SPRED1: variants seen among roughly 807,000 people sequenced by gnomAD.
The protein encoded by SPRED1 is sprouty related EVH1 domain containing 1.
Under a neutral mutation model 52.3 loss-of-function variants are expected in SPRED1, and 18 were observed. That is an observed-to-expected ratio of 0.34 (90% CI 0.24 to 0.51). The LOEUF (loss-of-function observed/expected upper bound fraction) is 0.51, where lower values mean the gene tolerates loss of function less well. Among genes scored for constraint, SPRED1 ranks in the 20% least tolerant of loss-of-function variants. SPRED1 has a pLI of 0.97. For synonymous variants in SPRED1, 155 were observed against 179.7 expected (o/e 0.86, Z 1.10); for missense variants, 485 against 551.0 (o/e 0.88, Z 1.20).
intron 4 of SPRED1, among the ~76,000 whole-genome samples, chr15:38,339,112 TTTAC>T (rs1474299019): frequency 2.0e-5 from 3 of 151,822 alleles, no homozygotes; most frequent in East Asian, 3.9e-4. Context: ...TGTGCTAAAT[TTTAC>T]TTACTTAATA....
At position 38,293,099 on chromosome 15, in the gene SPRED1, C is replaced by CTTT. The variant is rs66511254; in HGVS notation, c.33-6257_33-6255dup. On this transcript the variant is annotated intron_variant, in intron 1 of 6. Coordinates refer to ENST00000299084, the MANE Select transcript of SPRED1 (RefSeq NM_152594.3). ...TTAAGTAATTTACCCAAGATTACAA[C>CTTT]TTTTTTTTTTTTTTTTTTTGAGACG... is the stretch of plus-strand genomic sequence containing the variant. Among the ~76,000 whole-genome samples, 65 of 90,730 alleles carry CTTT rather than the reference C, an allele frequency of 7.2e-4. 7 individuals carry two copies. Among genetic ancestry groups the CTTT allele is most frequent in the East Asian group, 1.9e-3 (5 of 2,696 alleles). The allele number at this position is 90,730 out of a possible 152,430, so 59.5% of individuals were successfully genotyped here. A position where few individuals can be genotyped will look rare whatever the true frequency, so the allele number is the denominator to read the frequency against.
intron 1 of SPRED1, among the ~76,000 whole-genome samples, chr15:38,281,235 G>A (rs1031155659): frequency 6.6e-6 from 1 of 152,184 alleles, no homozygotes; most frequent in East Asian, 1.9e-4. Context: ...GTTTGATGAT[G>A]GAATGGACTA....
intron 4 of SPRED1, chr15:38,326,021 C>CA (rs1381070534): frequency 6.6e-6 from 1 of 152,170 alleles, no homozygotes; most frequent in East Asian, 1.9e-4. Flanking sequence ...ACTCAGGACT[C>CA]AGACAGTAAA....
intron 5 of SPRED1, among the ~76,000 whole-genome samples, chr15:38,346,013 T>TG (rs1305376787): frequency 4.6e-5 from 7 of 152,212 alleles, no homozygotes; most frequent in African/African-American, 1.7e-4. Context: ...TATTTGTCTT[T>TG]GACTCGTTTT....
Position 38,353,546 on chromosome 15 carries a change from T to C in SPRED1, c.*1882T>C, listed in dbSNP as rs1410863423. On this transcript the variant is annotated 3_prime_UTR_variant, in exon 7 of 7. Transcript: ENST00000299084. ...AACATGACACTGTAGGCAGCAGTTT[T>C]AAGTCTTATTTTTACTGTTTATATA... 6.6e-6 allele frequency: 1 copy of C among 152,532 alleles called. No individual in the cohort carries two copies. Among genetic ancestry groups the C allele is most frequent in the Non-Finnish European group, 1.5e-5 (1 of 67,934 alleles). The allele number at this position is 152,532 out of a possible 1,614,324, so 9.4% of individuals were successfully genotyped here. A position where few individuals can be genotyped will look rare whatever the true frequency, so the allele number is the denominator to read the frequency against.
At chr15:38,343,843 A>G (rs1039410593) in intron 5 of SPRED1, among the ~76,000 whole-genome samples, 37 of 152,270 alleles carry the variant, frequency 2.4e-4, no homozygotes, top group African/African-American at 8.9e-4. Context: ...TAATCCTCTC[A>G]ACAAACTGGC....
intron 1 of SPRED1, among the ~76,000 whole-genome samples, chr15:38,295,301 A>G (rs1042065081): frequency 2.0e-5 from 3 of 152,286 alleles, no homozygotes; most frequent in Non-Finnish European, 4.4e-5. Flanking sequence ...AAATTTCATA[A>G]TGTTTTAAGA....
chr15:38,330,742 T>C (rs1215029085), intron 4 of SPRED1, among the ~76,000 whole-genome samples: 4 of 152,128 alleles, frequency 2.6e-5, no homozygotes, highest in Non-Finnish European at 4.4e-5. Context: ...ATTTTAGTAG[T>C]ATATGAGCCA....
intron 5 of SPRED1, among the ~76,000 whole-genome samples, chr15:38,343,902 T>C (rs1305603540): frequency 3.3e-5 from 5 of 152,116 alleles, no homozygotes; most frequent in Non-Finnish European, 7.4e-5. Context: ...TTATGTATGT[T>C]ATCCAAATTT....
chr15:38,264,523 A>G (rs557972026), intron 1 of SPRED1, among the ~76,000 whole-genome samples: 1 of 151,940 alleles, frequency 6.6e-6, no homozygotes, highest in Admixed American at 6.6e-5. Flanking sequence ...AAGTAGAAAC[A>G]GGGATGAAGG....
chr15:38,259,672 T>C (rs1433250206), intron 1 of SPRED1, among the ~76,000 whole-genome samples: 1 of 151,320 alleles, frequency 6.6e-6, no homozygotes, highest in African/African-American at 2.4e-5. Context: ...TACCAGTCTT[T>C]ATGCTTTACT....
At position 38,339,836 on chromosome 15, in the gene SPRED1, C is replaced by A; in HGVS notation, c.523C>A (p.Pro175Thr). 6.2e-7 allele frequency: 1 copy of A among 1,613,880 alleles called. No homozygotes were observed. Among genetic ancestry groups the A allele is most frequent in the Non-Finnish European group, 8.5e-7 (1 of 1,179,880 alleles). ...SEPYRSSNIR[P>T]SPFEDLNARR... ...GCCTTATAGAAGCTCAAATATAAGA[C>A]CTTCTCCCTTTGAAGATCTGAATGC... is the stretch of plus-strand genomic sequence containing the variant. Residue 175 changes from proline (P) to threonine (T), a missense_variant, in exon 5 of 7, where the codon CCT becomes ACT. Pro to Thr is a conservative substitution (Grantham distance 38). Coordinates refer to ENST00000299084, the MANE Select transcript of SPRED1 (RefSeq NM_152594.3).
At chr15:38,317,588 G>A (rs573161553) in intron 2 of SPRED1, among the ~76,000 whole-genome samples, 1 of 152,020 alleles carries the variant, frequency 6.6e-6, no homozygotes, top group South Asian at 2.1e-4. Flanking sequence ...ATTATCTTAA[G>A]ATACAGAATT....
At position 38,322,257 on chromosome 15, in the gene SPRED1, T is replaced by G; in HGVS notation, c.224T>G (p.Met75Arg). The change falls in exon 3 of 7, where the codon ATG becomes AGG. Residue 75 changes from methionine (M) to arginine (R), a missense_variant. This residue lies in a region of SPRED1 where 232 missense variants were observed against 231.8 expected (regional missense o/e 1.00). Transcript: ENST00000299084. The part of the protein sequence containing the change: ...LRDKMVVLEC[M>R]LKKDLIYNKV... Reference sequence around the variant, plus strand: ...TTTTGTCAGGTGGTTTTGGAATGTATGCTTAAAAAAGACCTCATTTATAAT... The same window carrying G: ...TTTTGTCAGGTGGTTTTGGAATGTAGGCTTAAAAAAGACCTCATTTATAAT... 1 of 1,613,822 alleles carries G rather than the reference T, an allele frequency of 6.2e-7. No homozygotes were observed. Among genetic ancestry groups the G allele is most frequent in the Non-Finnish European group, 8.5e-7 (1 of 1,179,862 alleles).
At chr15:38,336,442 A>T (rs1407773194) in intron 4 of SPRED1, among the ~76,000 whole-genome samples, 1 of 6,114 alleles carries the variant, frequency 1.6e-4, no homozygotes, top group African/African-American at 2.2e-4. Context: ...ATATAATATT[A>T]TATATATGTT....
At chr15:38,317,042 G>C (rs1163910566) in intron 2 of SPRED1, among the ~76,000 whole-genome samples, 1 of 151,502 alleles carries the variant, frequency 6.6e-6, no homozygotes, top group Non-Finnish European at 1.5e-5. Context: ...TATATTTTGA[G>C]TAAAAAAGAG....
chr15:38,288,719 T>C (rs1303834775), intron 1 of SPRED1, among the ~76,000 whole-genome samples: 1 of 152,166 alleles, frequency 6.6e-6, no homozygotes, highest in East Asian at 1.9e-4. Context: ...GCCTTCTAAG[T>C]TATAGCCATT....
At position 38,290,935 on chromosome 15, in the gene SPRED1, G is replaced by A. The variant is rs1277706746; in HGVS notation, c.33-8438G>A. ...GTCCTCACTTTTCAAAACCAATCAT[G>A]CCTTCCCAACAGTCCCCCAGAGTCT... On this transcript the variant is annotated intron_variant, in intron 1 of 6. Transcript: ENST00000299084. 2.6e-5 allele frequency among the ~76,000 whole-genome samples: 4 copies of A among 152,176 alleles called. 1 individual carries two copies. In the South Asian group the frequency reaches 6.2e-4, roughly 24 times the overall value.
intron 1 of SPRED1, among the ~76,000 whole-genome samples, chr15:38,294,134 A>G (rs1168902105): frequency 6.6e-6 from 1 of 152,182 alleles, no homozygotes; most frequent in African/African-American, 2.4e-5. Context: ...GTACTACATC[A>G]TCCCAACCTA....
Sources: gnomAD v4.1 joint callset for allele counts (sites outside exome capture counted in the v4.1 genomes callset) on GRCh38, gnomAD v4.1.1 for gene constraint, gnomAD v4.1.1 regional missense constraint, MANE v1.5 for transcripts, NCBI Gene and HGNC (gene_info 2026-07-23, HGNC 2026-07-21) for gene names.